The following BPIFB1 variants were observed in gnomAD, a reference collection of about 807,000 sequenced individuals.
BPIFB1 encodes the protein BPI fold-containing family B member 1.
BPIFB1 carries 34 observed loss-of-function variants against 55.1 expected under a neutral mutation model. The observed-to-expected ratio is 0.62, with a 90% CI of 0.47 to 0.82. The LOEUF (loss-of-function observed/expected upper bound fraction) is 0.82. Ranked by LOEUF, BPIFB1 falls within the 40% of genes least tolerant of loss-of-function variation. The probability of loss-of-function intolerance (pLI) is 0.00; values close to 1 mark genes in which losing one functional copy is unlikely to be tolerated. For missense variants in BPIFB1, 532 were observed against 593.1 expected (o/e 0.90, Z 1.07); for synonymous variants, 236 against 245.3 (o/e 0.96, Z 0.35).
chr20:33,287,296 G>A (rs1276728910), intron 2 of BPIFB1, among the ~76,000 whole-genome samples: 2 of 152,218 alleles, frequency 1.3e-5, no homozygotes, highest in African/African-American at 2.4e-5. Flanking sequence ...GGCAGGGAAG[G>A]AAAGGCATCC....
chr20:33,290,763 A>G (rs1287210331), intron 4 of BPIFB1, among the ~76,000 whole-genome samples, 194 bp from the exon 5 acceptor site: 1 of 152,194 alleles, frequency 6.6e-6, no homozygotes, highest in African/African-American at 2.4e-5. Flanking sequence ...TCAGCAGACG[A>G]AAGACGTTTC....
Position 33,309,834 on chromosome 20 carries a change from A to G in BPIFB1, c.*67A>G. 1 of 1,391,240 alleles carries G rather than the reference A, an allele frequency of 7.2e-7. No homozygotes were observed. The highest frequency in any genetic ancestry group is 1.0e-6 in the Non-Finnish European group (1 of 980,280). 86.2% of individuals were successfully genotyped at this position (1,391,240 alleles called of 1,614,324 possible). On this transcript the variant is annotated 3_prime_UTR_variant, in exon 16 of 16. Transcript: ENST00000253354. This position sits in a 1 kb window ranked among gnomAD's most constrained non-coding sequence, Gnocchi z 4.4. Reference sequence around the variant, plus strand: ...GGGAGTATGGGTGTGAGCTCTATAGACCATCCCTCTCTGCAATCAATAAAC... The same window carrying G: ...GGGAGTATGGGTGTGAGCTCTATAGGCCATCCCTCTCTGCAATCAATAAAC...
At chr20:33,300,789 T>C (rs1488658535) in intron 8 of BPIFB1, among the ~76,000 whole-genome samples, 1 of 152,116 alleles carries the variant, frequency 6.6e-6, no homozygotes, top group East Asian at 1.9e-4. Flanking sequence ...GGTTCCGCCA[T>C]GTTGCCCAGG....
In BPIFB1 at chr20:33,286,155, G is replaced by T; in HGVS notation, c.82G>T (p.Val28Phe). 1 of 1,614,186 alleles carries T rather than the reference G, an allele frequency of 6.2e-7. No homozygotes were observed. Among genetic ancestry groups the T allele is most frequent in the Non-Finnish European group, 8.5e-7 (1 of 1,180,032 alleles). ...LIQATLSPTA[V>F]LILGPKVIKE... ...CCAAGCCACCCTCAGTCCCACTGCA[G>T]TTCTCATCCTCGGCCCAAAAGTCAT... The change falls in exon 2 of 16, where the codon GTT (valine) becomes TTT (phenylalanine). Residue 28 changes from valine to phenylalanine, a missense_variant. Transcript: ENST00000253354.
At chr20:33,298,717 G>A in intron 7 of BPIFB1, 1 of 155,140 alleles carries the variant, frequency 6.4e-6, no homozygotes, top group East Asian at 1.9e-4. Flanking sequence ...AGTGTCATTC[G>A]GATTGAGCCG....
chr20:33,304,629 T>G (rs1430570271), intron 12 of BPIFB1, among the ~76,000 whole-genome samples: 1 of 152,162 alleles, frequency 6.6e-6, no homozygotes, highest in Admixed American at 6.5e-5. Context: ...ATTTTTCTGC[T>G]CACTGGACTG....
intron 13 of BPIFB1, 23 bp from the exon 14 acceptor site, chr20:33,305,979 A>C: frequency 6.2e-7 from 1 of 1,613,670 alleles, no homozygotes; most frequent in Non-Finnish European, 8.5e-7. Flanking sequence ...CCAGGGTGAC[A>C]GTGCCCCTTC....
chr20:33,295,257 A>G (rs1479850166), intron 6 of BPIFB1, among the ~76,000 whole-genome samples: 1 of 151,470 alleles, frequency 6.6e-6, no homozygotes, highest in Non-Finnish European at 1.5e-5. Context: ...TAAAATGGGG[A>G]TGATGGAATG....
intron 5 of BPIFB1, among the ~76,000 whole-genome samples, chr20:33,291,307 C>A (rs1600663363): frequency 6.6e-6 from 1 of 152,344 alleles, no homozygotes; most frequent in African/African-American, 2.4e-5. Flanking sequence ...TCAGAAGCAA[C>A]CATGGTGGGT....
At chr20:33,284,578 C>T (rs141978664) in intron 1 of BPIFB1, among the ~76,000 whole-genome samples, 123 of 152,306 alleles carry the variant, frequency 8.1e-4, no homozygotes, top group African/African-American at 2.8e-3. Context: ...CTCCAGGGCA[C>T]AGGAGACACA....
rs748914462 is a variant in BPIFB1, at chr20:33,291,022, A to G, written c.431A>G (p.Asp144Gly). The G allele has an allele frequency of 2.5e-6, 4 of 1,613,930 alleles. No individual in the cohort carries two copies. The South Asian group carries it at 4.4e-5, about 18-fold the overall frequency. Residue 144 changes from aspartate (D) to glycine (G), a missense_variant, in exon 5 of 16, where the codon GAC (aspartate) becomes GGC (glycine). Coordinates refer to ENST00000253354, the MANE Select transcript of BPIFB1 (RefSeq NM_033197.3). ...GAGGCCCAAGCCACCATCCGCATGGACACCAGTGCAAGTGGCCCCACCCGC... is the reference window on the plus strand; with the variant it reads ...GAGGCCCAAGCCACCATCCGCATGGGCACCAGTGCAAGTGGCCCCACCCGC... Reference protein sequence around the residue: ...TTEAQATIRMDTSASGPTRLV... With the variant: ...TTEAQATIRMGTSASGPTRLV...
At chr20:33,291,488 C>G (rs1220295510) in intron 5 of BPIFB1, among the ~76,000 whole-genome samples, 4 of 152,218 alleles carry the variant, frequency 2.6e-5, no homozygotes, top group African/African-American at 9.6e-5. Flanking sequence ...AGTGGCCACC[C>G]TGTGTCTCAC....
At chr20:33,302,262 C>CAAA in intron 9 of BPIFB1, 97 bp from the exon 10 acceptor site, 1 of 1,332,216 alleles carries the variant, frequency 7.5e-7, no homozygotes, top group Non-Finnish European at 1.1e-6. Context: ...CCCAGCTTTT[C>CAAA]TGGGGTCCTG....
intron 5 of BPIFB1, among the ~76,000 whole-genome samples, chr20:33,291,395 G>A (rs888491219): frequency 7.9e-5 from 12 of 152,198 alleles, no homozygotes; most frequent in Non-Finnish European, 1.5e-4. Context: ...CAGGGCAGGT[G>A]TAGGTGGAGC....
In BPIFB1 at chr20:33,303,067, T is replaced by C; in HGVS notation, c.1133T>C (p.Leu378Pro). Residue 378 changes from leucine (L) to proline (P), a missense_variant, in exon 11 of 16, where the codon CTG (leucine) becomes CCG (proline). Physicochemically the swap from Leu to Pro is moderately conservative, Grantham distance 98. Coordinates refer to ENST00000253354, the MANE Select transcript of BPIFB1 (RefSeq NM_033197.3). ...SSEALRPLFTLGIEASSEAQF... is the reference protein window; with the variant it reads ...SSEALRPLFTPGIEASSEAQF... ...GAAGCCCTCCGCCCTTTGTTCACCC[T>C]GGGCATCGTGAGTTCAGTTGTCTGC... is the stretch of plus-strand genomic sequence containing the variant. 3.7e-6 allele frequency: 6 copies of C among 1,613,720 alleles called. No homozygotes were observed. Among genetic ancestry groups the C allele is most frequent in the Non-Finnish European group, 5.1e-6 (6 of 1,180,014 alleles).
chr20:33,289,847 C>T (rs760370731), intron 3 of BPIFB1, 38 bp from the exon 4 acceptor site: 22 of 1,563,244 alleles, frequency 1.4e-5, no homozygotes, highest in South Asian at 6.7e-5. Context: ...AATAATGAGC[C>T]GGAGGCATGA....
intron 15 of BPIFB1, among the ~76,000 whole-genome samples, chr20:33,308,206 G>A (rs751789678): frequency 2.6e-5 from 4 of 152,106 alleles, no homozygotes; most frequent in Admixed American, 6.5e-5. Flanking sequence ...AGAGGATGGC[G>A]CTAAACCATT....
intron 8 of BPIFB1, 39 bp from the exon 9 acceptor site, chr20:33,301,194 G>A (rs1646355736): frequency 6.3e-7 from 1 of 1,592,112 alleles, no homozygotes; most frequent in South Asian, 1.1e-5. Context: ...AAGCTGCAGA[G>A]TTAAAATTCT....
chr20:33,290,720 G>C (rs910023859), intron 4 of BPIFB1, among the ~76,000 whole-genome samples: 2 of 152,176 alleles, frequency 1.3e-5, no homozygotes, highest in Non-Finnish European at 2.9e-5. Context: ...GTGAGACATC[G>C]GAGTAGGGGG....
Sources: gnomAD v4.1 joint callset for allele counts (sites outside exome capture counted in the v4.1 genomes callset) on GRCh38, gnomAD v4.1.1 for gene constraint, Gnocchi (gnomAD v3.1) non-coding constraint, MANE v1.5 for transcripts, NCBI Gene and HGNC (gene_info 2026-07-23, HGNC 2026-07-21) for gene names.